RORB: variants seen among roughly 807,000 people sequenced by gnomAD.
RORB encodes RAR related orphan receptor B, also known as nuclear receptor ROR-beta.
RORB carries 6 observed loss-of-function variants against 59.1 expected under a neutral mutation model. The ratio of observed to expected loss-of-function variants is 0.10; its 90% CI spans 0.06 to 0.20. The LOEUF (loss-of-function observed/expected upper bound fraction) is 0.20. RORB is among the 10% of genes least tolerant of loss of function. The probability of loss-of-function intolerance (pLI) is 1.00; values close to 1 mark genes in which losing one functional copy is unlikely to be tolerated. For synonymous variants in RORB, 215 were observed against 204.5 expected, an observed-to-expected ratio of 1.05 and a Z score of -0.44; for missense variants, 320 against 560.5, an observed-to-expected ratio of 0.57 and a Z score of 4.33.
chr9:74,600,880 T>C (rs1298102783), intron 1 of RORB, among the ~76,000 whole-genome samples: 1 of 152,152 alleles, frequency 6.6e-6, no homozygotes, highest in Non-Finnish European at 1.5e-5. Flanking sequence ...CCTTTAAAAT[T>C]ATAATTCTGT....
At chr9:74,574,731 A>G (rs1020601843) in intron 1 of RORB, among the ~76,000 whole-genome samples, 14 of 152,152 alleles carry the variant, frequency 9.2e-5, no homozygotes, top group Admixed American at 6.6e-4. Context: ...TTAAAAAGCC[A>G]TAAACTAGTC....
chr9:74,589,286 C>T (rs1202997670), intron 1 of RORB, among the ~76,000 whole-genome samples: 1 of 152,058 alleles, frequency 6.6e-6, no homozygotes, highest in Non-Finnish European at 1.5e-5. Flanking sequence ...CCTAAAAGAA[C>T]AAAAAACTTT....
chr9:74,497,804 G>A lies in RORB; in HGVS notation c.-173G>A, dbSNP rs1191294311. ...TCAAAACTGTTAACATAGCGGCGGC[G>A]GCGGCAAACGTCACCCTGCAGCCAC... On this transcript the variant is annotated 5_prime_UTR_variant, in exon 1 of 10. Coordinates refer to ENST00000376896, the MANE Select transcript of RORB (RefSeq NM_006914.4). 1.3e-5 allele frequency: 8 copies of A among 635,090 alleles called. No individual in the cohort carries two copies. Among genetic ancestry groups the A allele is most frequent in the African/African-American group, 3.7e-5 (2 of 54,782 alleles). 39.3% of individuals were successfully genotyped at this position (635,090 alleles called of 1,614,324 possible).
intron 1 of RORB, among the ~76,000 whole-genome samples, chr9:74,526,538 C>T (rs930528950): frequency 3.9e-5 from 6 of 151,910 alleles, no homozygotes; most frequent in Admixed American, 1.3e-4. Context: ...TTTTCCATTA[C>T]TTCTTCCAGC....
intron 1 of RORB, among the ~76,000 whole-genome samples, chr9:74,620,769 G>T (rs1390664342): frequency 6.6e-6 from 1 of 152,128 alleles, no homozygotes; most frequent in Non-Finnish European, 1.5e-5. Context: ...TGGTTTCAAA[G>T]AACATCTTTA....
intron 3 of RORB, among the ~76,000 whole-genome samples, chr9:74,635,672 C>G (rs1180747131): frequency 6.6e-6 from 1 of 152,082 alleles, no homozygotes; most frequent in African/African-American, 2.4e-5. Context: ...CTATGGAAAT[C>G]CCTTCTACCT....
intron 1 of RORB, among the ~76,000 whole-genome samples, chr9:74,502,753 C>A (rs1297813742): frequency 2.0e-5 from 3 of 151,934 alleles, no homozygotes; most frequent in Non-Finnish European, 2.9e-5. Flanking sequence ...TTAAGCCTTA[C>A]GACTAAACAT....
At chr9:74,592,992 G>A (rs1053042024) in intron 1 of RORB, among the ~76,000 whole-genome samples, 2 of 152,092 alleles carry the variant, frequency 1.3e-5, no homozygotes, top group African/African-American at 4.8e-5. Context: ...CGTTTCTTGG[G>A]CTGATGAGAA....
At chr9:74,543,928 G>C (rs1325558739) in intron 1 of RORB, among the ~76,000 whole-genome samples, 1 of 152,168 alleles carries the variant, frequency 6.6e-6, no homozygotes, top group Non-Finnish European at 1.5e-5. Flanking sequence ...CTGTGATGTG[G>C]ATTTGCAAGT....
At chr9:74,647,251 G>T (rs1823915158) in intron 4 of RORB, among the ~76,000 whole-genome samples, 1 of 152,152 alleles carries the variant, frequency 6.6e-6, no homozygotes, top group Non-Finnish European at 1.5e-5. Context: ...CCGCAAACAT[G>T]CAGAAAAGGA....
chr9:74,604,188 G>A (rs1823114366), intron 1 of RORB, among the ~76,000 whole-genome samples: 1 of 152,166 alleles, frequency 6.6e-6, no homozygotes, highest in South Asian at 2.1e-4. Flanking sequence ...TTCACAGGTT[G>A]ATTCATTTTT....
intron 1 of RORB, among the ~76,000 whole-genome samples, chr9:74,587,055 A>T (rs931538335): frequency 1.3e-5 from 2 of 152,210 alleles, no homozygotes; most frequent in Admixed American, 6.5e-5. Flanking sequence ...TTTCTCCATC[A>T]ACAAATTAAA....
chr9:74,621,409 C>G (rs896166112), intron 1 of RORB, among the ~76,000 whole-genome samples: 1 of 152,166 alleles, frequency 6.6e-6, no homozygotes, highest in East Asian at 1.9e-4. Context: ...CATATATTTT[C>G]GTGGCTTAAT....
Position 74,549,643 on chromosome 9 carries a change from AAG to A in RORB, c.7+51662_7+51663del, listed in dbSNP as rs530162273. Among the ~76,000 whole-genome samples, 469 of 150,634 alleles carry A rather than the reference AAG, an allele frequency of 3.1e-3. 9 individuals are homozygous for A. Among genetic ancestry groups the A allele is most frequent in the African/African-American group, 0.011 (440 of 40,878 alleles). ...AAGGAAGGAAGAAAGGAAAGAAAGA[AAG>A]AAAGAGAGAAGAGACTGCTTGTAGG... is the stretch of plus-strand genomic sequence containing the variant. On this transcript the variant is annotated intron_variant, in intron 1 of 9. Coordinates refer to ENST00000376896, the MANE Select transcript of RORB (RefSeq NM_006914.4).
chr9:74,633,674 G>A (rs573776634), intron 2 of RORB, among the ~76,000 whole-genome samples: 1 of 152,052 alleles, frequency 6.6e-6, no homozygotes, highest in Non-Finnish European at 1.5e-5. Context: ...GACAACTAAG[G>A]AGAAATCTTT....
At chr9:74,549,698 G>A (rs1826575844) in intron 1 of RORB, among the ~76,000 whole-genome samples, 1 of 151,604 alleles carries the variant, frequency 6.6e-6, no homozygotes, top group Non-Finnish European at 1.5e-5. Context: ...ACTGCTTGTA[G>A]GATTAACTGT....
rs142631266 is a variant in RORB, at chr9:74,528,583, T to C, written c.7+30600T>C. Reference sequence around the variant, plus strand: ...GATATACCTAAACTAGTTTTTACACTCTAACTGTGAGCCTAATTGGGTTTT... The same window carrying C: ...GATATACCTAAACTAGTTTTTACACCCTAACTGTGAGCCTAATTGGGTTTT... On this transcript the variant is annotated intron_variant, in intron 1 of 9. Coordinates refer to ENST00000376896, the MANE Select transcript of RORB (RefSeq NM_006914.4). 3.6e-3 allele frequency among the ~76,000 whole-genome samples: 543 copies of C among 152,108 alleles called. 2 individuals carry two copies. The highest frequency in any genetic ancestry group is 0.012 in the African/African-American group (515 of 41,546).
At chr9:74,655,738 C>A (rs866735125) in intron 4 of RORB, among the ~76,000 whole-genome samples, 12 of 152,168 alleles carry the variant, frequency 7.9e-5, no homozygotes, top group South Asian at 4.1e-4. Context: ...TCAGTCTAAG[C>A]AAACCATCTC....
At chr9:74,627,764 T>C (rs901761443) in intron 1 of RORB, among the ~76,000 whole-genome samples, 1 of 152,064 alleles carries the variant, frequency 6.6e-6, no homozygotes, top group African/African-American at 2.4e-5. Context: ...TTTGTAATCG[T>C]TATAAACAAT....
Sources: gnomAD v4.1 joint callset for allele counts (sites outside exome capture counted in the v4.1 genomes callset) on GRCh38, gnomAD v4.1.1 for gene constraint, MANE v1.5 for transcripts, NCBI Gene and HGNC (gene_info 2026-07-23, HGNC 2026-07-21) for gene names.